OPCML: variants seen among roughly 807,000 people sequenced by gnomAD.
OPCML encodes the protein opioid binding protein/cell adhesion molecule like, also known as opioid-binding protein/cell adhesion molecule.
A neutral mutation model predicts 37.8 loss-of-function variants in OPCML; 13 were observed. That is an observed-to-expected ratio of 0.34 (90% CI 0.22 to 0.55). The LOEUF is 0.55. OPCML is among the 20% of genes least tolerant of loss of function. The pLI is 0.91. For synonymous variants in OPCML, 176 were observed against 168.8 expected (o/e 1.04, Z -0.33); for missense variants, 341 against 435.6 (o/e 0.78, Z 1.93).
intron 1 of OPCML, among the ~76,000 whole-genome samples, chr11:133,165,895 A>C (rs955269731): frequency 6.6e-6 from 1 of 152,208 alleles, no homozygotes; most frequent in African/African-American, 2.4e-5. Context: ...ACAACCGCAG[A>C]ATACCTCAAT....
chr11:132,705,713 G>C (rs1213377850), intron 2 of OPCML, among the ~76,000 whole-genome samples: 1 of 152,144 alleles, frequency 6.6e-6, no homozygotes, highest in East Asian at 1.9e-4. Context: ...GTTTCCAGAG[G>C]CACCCCTAGA....
At chr11:132,925,490 C>T (rs185071492) in intron 2 of OPCML, among the ~76,000 whole-genome samples, 23 of 152,288 alleles carry the variant, frequency 1.5e-4, no homozygotes, top group Admixed American at 3.3e-4. Flanking sequence ...GCTGTACCTA[C>T]GCCTTTTCAC....
At chr11:133,474,299 C>A (rs1193725157) in intron 1 of OPCML, among the ~76,000 whole-genome samples, 3 of 152,148 alleles carry the variant, frequency 2.0e-5, no homozygotes, top group Non-Finnish European at 4.4e-5. Context: ...AGTAGATGGA[C>A]TCTTTGTAAC....
intron 1 of OPCML, among the ~76,000 whole-genome samples, chr11:133,286,209 G>C (rs1156842307): frequency 6.6e-6 from 1 of 152,118 alleles, no homozygotes; most frequent in Non-Finnish European, 1.5e-5. Context: ...CCAGCACTTT[G>C]GGAGGCCGAG....
At chr11:132,903,180 T>C (rs1429564904) in intron 2 of OPCML, among the ~76,000 whole-genome samples, 2 of 152,214 alleles carry the variant, frequency 1.3e-5, no homozygotes, top group South Asian at 2.1e-4. Flanking sequence ...GGCATTTTTT[T>C]CCTATTAATC....
chr11:132,910,506 A>C (rs1184020654), intron 2 of OPCML, among the ~76,000 whole-genome samples: 1 of 152,238 alleles, frequency 6.6e-6, no homozygotes, highest in Non-Finnish European at 1.5e-5. Context: ...CAAATGGCGC[A>C]CAACCCTGAA....
chr11:132,931,868 T>C (rs1302552728), intron 2 of OPCML, among the ~76,000 whole-genome samples: 1 of 152,156 alleles, frequency 6.6e-6, no homozygotes, highest in Non-Finnish European at 1.5e-5. Flanking sequence ...GTGAATGCAA[T>C]CCAAGCATCA....
At chr11:133,125,613 ATATG>A (rs1949489341) in intron 1 of OPCML, among the ~76,000 whole-genome samples, 1 of 146,780 alleles carries the variant, frequency 6.8e-6, no homozygotes, top group Non-Finnish European at 1.5e-5. Flanking sequence ...TATATACACT[ATATG>A]TAGTATCTAG....
chr11:132,887,594 G>C (rs937211627), intron 2 of OPCML, among the ~76,000 whole-genome samples: 2 of 152,214 alleles, frequency 1.3e-5, no homozygotes, highest in Admixed American at 6.5e-5. Context: ...TAGGAATGAG[G>C]ATGATGATAC....
intron 1 of OPCML, among the ~76,000 whole-genome samples, chr11:133,364,460 C>CAG (rs2136730521): frequency 6.6e-6 from 1 of 152,274 alleles, no homozygotes; most frequent in South Asian, 2.1e-4. Context: ...CCTTAAAAGA[C>CAG]AGAAATTAAT....
chr11:133,100,575 A>G (rs574100054), intron 1 of OPCML, among the ~76,000 whole-genome samples: 50 of 152,350 alleles, frequency 3.3e-4, no homozygotes, highest in African/African-American at 1.1e-3. Context: ...CTTACTACGA[A>G]GCTACAGTAA....
intron 1 of OPCML, among the ~76,000 whole-genome samples, chr11:133,040,053 A>C (rs900196279): frequency 6.6e-6 from 1 of 151,462 alleles, no homozygotes; most frequent in African/African-American, 2.4e-5. Context: ...GGGGGATGGC[A>C]GACCCTCTAT....
chr11:133,347,565 C>G (rs1167308055), intron 1 of OPCML, among the ~76,000 whole-genome samples: 1 of 152,016 alleles, frequency 6.6e-6, no homozygotes, highest in Non-Finnish European at 1.5e-5. Context: ...TCCACTGAGA[C>G]AGGACAGAGT....
intron 1 of OPCML, among the ~76,000 whole-genome samples, chr11:133,451,172 G>A (rs1046923718): frequency 2.6e-5 from 4 of 151,714 alleles, no homozygotes; most frequent in African/African-American, 9.8e-5. Context: ...CAATGAAGGA[G>A]TAGCTTCTAA....
intron 1 of OPCML, among the ~76,000 whole-genome samples, chr11:133,320,825 T>C (rs990783669): frequency 1.1e-4 from 16 of 152,186 alleles, no homozygotes; most frequent in African/African-American, 3.9e-4. Context: ...CTCTGCTGGA[T>C]GTAAAGTCCA....
chr11:133,376,347 A>G (rs965757497), intron 1 of OPCML, among the ~76,000 whole-genome samples: 1 of 152,230 alleles, frequency 6.6e-6, no homozygotes, highest in Non-Finnish European at 1.5e-5. Flanking sequence ...ATTCTAAGCA[A>G]ATACCCAATG....
intron 1 of OPCML, among the ~76,000 whole-genome samples, chr11:132,995,922 A>G (rs1946876130): frequency 6.6e-6 from 1 of 152,178 alleles, no homozygotes; most frequent in Non-Finnish European, 1.5e-5. Flanking sequence ...AGGCTCTTGG[A>G]ATCAACCAAA....
chr11:133,365,048 TCACACACACACA>T (rs3220326), intron 1 of OPCML, among the ~76,000 whole-genome samples: 16 of 146,578 alleles, frequency 1.1e-4, no homozygotes, highest in Admixed American at 6.1e-4. Flanking sequence ...TCTCTCTCTT[TCACACACACACA>T]CACACACACA....
At chr11:132,747,566 G>C (rs1945674656) in intron 2 of OPCML, among the ~76,000 whole-genome samples, 1 of 152,110 alleles carries the variant, frequency 6.6e-6, no homozygotes, top group Admixed American at 6.6e-5. Context: ...AACCAAAAGG[G>C]GCCCACTGGG....
Sources: allele counts gnomAD v4.1 joint callset (sites outside exome capture counted in the v4.1 genomes callset), GRCh38; gene constraint gnomAD v4.1.1; transcripts MANE v1.5; gene names NCBI Gene and HGNC (gene_info 2026-07-23, HGNC 2026-07-21).